Variants in PLCL1 observed in about 807,000 individuals in gnomAD.
PLCL1 encodes phospholipase C like 1 (inactive).
PLCL1 carries 41 observed loss-of-function variants against 84.4 expected under a neutral mutation model. That is an observed-to-expected ratio of 0.49 (90% CI 0.38 to 0.63). The LOEUF (loss-of-function observed/expected upper bound fraction) is 0.63, where lower values mean the gene tolerates loss of function less well. Among genes scored for constraint, PLCL1 ranks in the 30% least tolerant of loss-of-function variants. PLCL1 has a pLI of 0.00. For missense variants in PLCL1, 1,206 were observed against 1,367.8 expected, an observed-to-expected ratio of 0.88 and a Z score of 1.87; for synonymous variants, 490 against 488.3, an observed-to-expected ratio of 1.00 and a Z score of -0.05.
At chr2:198,083,692 A>C (rs1692778207) in intron 1 of PLCL1, 66 bp from the exon 2 acceptor site, 19 of 1,013,182 alleles carry the variant, frequency 1.9e-5, no homozygotes, top group Non-Finnish European at 2.8e-5. Flanking sequence ...AGGAGTTCAT[A>C]GAGTGTTACT....
intron 3 of PLCL1, among the ~76,000 whole-genome samples, chr2:198,100,689 G>T (rs1263049669): frequency 6.6e-6 from 1 of 152,118 alleles, no homozygotes; most frequent in Non-Finnish European, 1.5e-5. Flanking sequence ...TACTTAGGAA[G>T]GAGTGAGATC....
At chr2:197,898,598 G>T (rs1688201083) in intron 1 of PLCL1, among the ~76,000 whole-genome samples, 1 of 151,320 alleles carries the variant, frequency 6.6e-6, no homozygotes, top group Non-Finnish European at 1.5e-5. Context: ...CTCATGTTTT[G>T]CCCTTCTTCT....
intron 1 of PLCL1, among the ~76,000 whole-genome samples, chr2:197,996,829 G>C (rs1291525336): frequency 2.6e-5 from 4 of 152,126 alleles, no homozygotes; most frequent in Non-Finnish European, 5.9e-5. Context: ...AAATTTACTA[G>C]TAAAGCAACC....
chr2:197,992,997 C>G (rs986023620), intron 1 of PLCL1, among the ~76,000 whole-genome samples: 3 of 151,922 alleles, frequency 2.0e-5, no homozygotes, highest in Admixed American at 2.0e-4. Context: ...TGTTTGAGTC[C>G]CTGTTTTCAC....
intron 1 of PLCL1, among the ~76,000 whole-genome samples, chr2:198,032,485 C>T (rs1413686003): frequency 1.3e-5 from 2 of 152,124 alleles, no homozygotes; most frequent in Non-Finnish European, 2.9e-5. Context: ...AGTCAAATAC[C>T]CAGATAACTT....
At chr2:198,076,839 T>A (rs1185715280) in intron 1 of PLCL1, among the ~76,000 whole-genome samples, 20 of 152,196 alleles carry the variant, frequency 1.3e-4, no homozygotes, top group Admixed American at 2.0e-4. Context: ...ACAGATACAG[T>A]GATGATCCCA....
chr2:198,134,420 T>G (rs1694205185), intron 5 of PLCL1, among the ~76,000 whole-genome samples: 1 of 152,136 alleles, frequency 6.6e-6, no homozygotes, highest in African/African-American at 2.4e-5. Context: ...TATAGCTGCC[T>G]TAGCCTCATT....
At chr2:198,140,421 G>C (rs1481244063) in intron 5 of PLCL1, among the ~76,000 whole-genome samples, 1 of 151,974 alleles carries the variant, frequency 6.6e-6, no homozygotes, top group Non-Finnish European at 1.5e-5. Flanking sequence ...CTAATACAAA[G>C]GTTTTCTGCT....
At chr2:197,944,237 C>A (rs941070199) in intron 1 of PLCL1, among the ~76,000 whole-genome samples, 5 of 113,546 alleles carry the variant, frequency 4.4e-5, no homozygotes, top group Non-Finnish European at 7.8e-5. Context: ...TCTGAAGAGA[C>A]AATTTTGTCT....
At chr2:197,943,627 C>CTTT (rs5837573) in intron 1 of PLCL1, among the ~76,000 whole-genome samples, 26 of 119,172 alleles carry the variant, frequency 2.2e-4, no homozygotes, top group Non-Finnish European at 2.5e-4. Context: ...TTGGTTACAT[C>CTTT]TTTTTTTTTT....
intron 1 of PLCL1, among the ~76,000 whole-genome samples, chr2:198,030,295 T>C (rs1386485406): frequency 6.6e-6 from 1 of 152,176 alleles, no homozygotes; most frequent in Non-Finnish European, 1.5e-5. Context: ...GTTTGTTTGC[T>C]AAAGATAATG....
At chr2:197,810,776 A>G (rs1690569615) in intron 1 of PLCL1, among the ~76,000 whole-genome samples, 1 of 152,120 alleles carries the variant, frequency 6.6e-6, no homozygotes, top group South Asian at 2.1e-4. Flanking sequence ...TTGCGCCCTC[A>G]CTCAATTCTG....
chr2:198,134,418 C>A (rs1694205099), intron 5 of PLCL1, among the ~76,000 whole-genome samples: 1 of 151,986 alleles, frequency 6.6e-6, no homozygotes, highest in Non-Finnish European at 1.5e-5. Flanking sequence ...TTTATAGCTG[C>A]CTTAGCCTCA....
intron 1 of PLCL1, among the ~76,000 whole-genome samples, chr2:198,071,733 T>C (rs974440018): frequency 3.9e-5 from 6 of 151,916 alleles, no homozygotes; most frequent in Admixed American, 3.3e-4. Context: ...TTTAAGTTTC[T>C]ATATGGTCAA....
intron 1 of PLCL1, among the ~76,000 whole-genome samples, chr2:197,990,611 G>A (rs1330304670): frequency 6.6e-6 from 1 of 152,206 alleles, no homozygotes; most frequent in Non-Finnish European, 1.5e-5. Context: ...CAGCTCTCAT[G>A]AGACTTATTC....
At chr2:198,020,663 A>G (rs534902728) in intron 1 of PLCL1, among the ~76,000 whole-genome samples, 1 of 152,334 alleles carries the variant, frequency 6.6e-6, no homozygotes, top group East Asian at 1.9e-4. Context: ...GGCATTACAT[A>G]ATGGTAAAGG....
At chr2:197,959,863 T>G (rs765302001) in intron 1 of PLCL1, among the ~76,000 whole-genome samples, 2 of 152,056 alleles carry the variant, frequency 1.3e-5, no homozygotes, top group Non-Finnish European at 1.5e-5. Flanking sequence ...CTCCTCCCAT[T>G]TCATTCGCCT....
intron 1 of PLCL1, among the ~76,000 whole-genome samples, chr2:197,909,497 C>T (rs1486611245): frequency 6.6e-6 from 1 of 152,022 alleles, no homozygotes; most frequent in East Asian, 1.9e-4. Flanking sequence ...CTGTGGGTGG[C>T]AATTATTGAT....
intron 1 of PLCL1, among the ~76,000 whole-genome samples, chr2:197,850,013 G>C (rs188043055): frequency 5.8e-4 from 70 of 120,000 alleles, no homozygotes; most frequent in African/African-American, 2.0e-3. Context: ...CAGACACACA[G>C]ACACACAGAC....
Sources: gnomAD v4.1 joint callset for allele counts (sites outside exome capture counted in the v4.1 genomes callset) on GRCh38, gnomAD v4.1.1 for gene constraint, MANE v1.5 for transcripts, NCBI Gene and HGNC (gene_info 2026-07-23, HGNC 2026-07-21) for gene names.